KMT2D: variants seen among roughly 807,000 people sequenced by gnomAD.
The protein encoded by KMT2D is lysine methyltransferase 2D.
A neutral mutation model predicts 512.7 loss-of-function variants in KMT2D; 55 were observed. That is an observed-to-expected ratio of 0.11 (90% CI 0.09 to 0.13). KMT2D has a LOEUF of 0.13. KMT2D is among the 10% of genes least tolerant of loss of function. The pLI is 1.00. For missense variants in KMT2D, 6,061 were observed against 7,127.9 expected (o/e 0.85, Z 5.39); for synonymous variants, 2,995 against 2,904.0 (o/e 1.03, Z -1.01).
Position 49,052,262 on chromosome 12 carries a change from A to G in KMT2D, c.1421T>C (p.Leu474Ser), listed in dbSNP as rs544407449. The G allele has an allele frequency of 8.7e-6, 13 of 1,490,326 alleles. No individual in the cohort carries two copies. The African/African-American group carries it at 1.7e-4, about 19-fold the overall frequency. 92.3% of individuals were successfully genotyped at this position (1,490,326 alleles called of 1,614,324 possible). A position where few individuals can be genotyped will look rare whatever the true frequency, so the allele number is the denominator to read the frequency against. Residue 474 changes from leucine (L) to serine (S), a missense_variant, in exon 11 of 55, where the codon TTG (leucine) becomes TCG (serine). Physicochemically the swap from Leu to Ser is moderately radical, Grantham distance 145. This residue lies in a region of KMT2D where 848 missense variants were observed against 838.5 expected (regional missense o/e 1.01). Transcript: ENST00000301067. ...ASRLSPPPEE[L>S]PASPLPEALH... ...TGCCTCAGGAAGTGGGGATGCGGGCAATTCCTCAGGTGGTGGTGACAGGCG... is the reference window on the plus strand; with the variant it reads ...TGCCTCAGGAAGTGGGGATGCGGGCGATTCCTCAGGTGGTGGTGACAGGCG...
chr12:49,047,532 C>T (rs1937631520), intron 15 of KMT2D, among the ~76,000 whole-genome samples: 2 of 151,300 alleles, frequency 1.3e-5, no homozygotes, highest in Admixed American at 6.6e-5. Flanking sequence ...ATTCTCCTGC[C>T]TCAGCCTCCC....
chr12:49,051,037 C>T lies in KMT2D; in HGVS notation c.2646G>A (p.Leu882=), dbSNP rs376227770. The part of the protein sequence containing the change: ...GQCPAPEELP[L]FPPPGEPSLS... ...AGGATGGTTCCCCAGGGGGAGGGAA[C>T]AAGGGCAGCTCCTCAGGTGCAGGGC... is the stretch of plus-strand genomic sequence containing the variant. Residue 882 remains leucine (L), a synonymous_variant, in exon 11 of 55, where the codon TTG becomes TTA. Transcript: ENST00000301067. 27 of 1,550,924 alleles carry T rather than the reference C, an allele frequency of 1.7e-5. No individual in the cohort carries two copies. In the African/African-American group the frequency reaches 3.3e-4, roughly 19 times the overall value.
chr12:49,048,583 CCA>C (rs1275107402), intron 14 of KMT2D, 74 bp downstream of exon 14: 1 of 940,066 alleles, frequency 1.1e-6, no homozygotes, highest in African/African-American at 1.6e-5. Flanking sequence ...CAAAGTAGGT[CCA>C]GTTTTCCCAT....
At position 49,046,742 on chromosome 12, in the gene KMT2D, C is replaced by G. The variant is rs2120612135; in HGVS notation, c.4285G>C (p.Val1429Leu). The G allele has an allele frequency of 6.2e-7, 1 of 1,613,986 alleles. No individual in the cohort carries two copies. The highest frequency in any genetic ancestry group is 8.5e-7 in the Non-Finnish European group (1 of 1,179,880). The change falls in exon 16 of 55, where the codon GTG becomes CTG. Residue 1429 changes from valine to leucine, a missense_variant. By Grantham distance (32) the Val-to-Leu change is conservative. This residue lies in a region of KMT2D where 53 missense variants were observed against 148.3 expected (regional missense o/e 0.36). Transcript: ENST00000301067. The surrounding 1 kb of genome is among the most constrained non-coding windows in gnomAD (Gnocchi z 4.2). The stretch of plus-strand genomic sequence containing the variant: ...GAGGCCTGGCCACACACCTCACACA[C>G]AATACACTCCACACAACGCCAGCCC... ...LKGWRCVECI[V>L]CEVCGQASDP...
chr12:49,051,028 G>A lies in KMT2D; in HGVS notation c.2655C>T (p.Pro885=), dbSNP rs769832018. The change falls in exon 11 of 55, where the codon CCC becomes CCT. Residue 885 remains proline, a synonymous_variant. Transcript: ENST00000301067. ...AGGGAGATAAGGATGGTTCCCCAGG[G>A]GGAGGGAACAAGGGCAGCTCCTCAG... ...PAPEELPLFP[P]PGEPSLSPLL... 1.3e-6 allele frequency: 2 copies of A among 1,556,346 alleles called. No individual in the cohort carries two copies. The highest frequency in any genetic ancestry group is 2.2e-5 in the East Asian group (1 of 44,480).
Position 49,042,324 on chromosome 12 carries a change from G to C in KMT2D, c.5874C>G (p.Arg1958=). ...CQSPFLDSRE[R]GGFFSPEPGE... is the part of the protein sequence containing the mutation. ...CGGGTTCCGGGCTAAAGAAGCCCCC[G>C]CGCTCCCTGGGGCGCAGGGGCAGAG... Residue 1958 remains arginine, a synonymous_variant, in exon 29 of 55, where the codon CGC becomes CGG. Transcript: ENST00000301067. This position sits in a 1 kb window ranked among gnomAD's most constrained non-coding sequence, Gnocchi z 4.4. 1 of 1,533,876 alleles carries C rather than the reference G, an allele frequency of 6.5e-7. No homozygotes were observed. Among genetic ancestry groups the C allele is most frequent in the African/African-American group, 1.4e-5 (1 of 72,542 alleles).
intron 19 of KMT2D, 141 bp from the exon 20 acceptor site, chr12:49,045,106 C>G (rs1943725556): frequency 1.3e-6 from 1 of 741,702 alleles, no homozygotes; most frequent in Non-Finnish European, 2.2e-6. Context: ...GGAGAACAGG[C>G]CACCAAGGGG....
Position 49,032,168 on chromosome 12 carries a change from G to A in KMT2D, c.12537C>T (p.Leu4179=), listed in dbSNP as rs374701107. The change falls in exon 40 of 55, where the codon CTC becomes CTT. Residue 4179 remains leucine (L), a synonymous_variant. Coordinates refer to ENST00000301067, the MANE Select transcript of KMT2D (RefSeq NM_003482.4). The part of the protein sequence containing the change: ...GPQPPKPGPV[L]QSGQGLPGVG... ...CCCCAGGCAGACCCTGCCCAGACTG[G>A]AGGACAGGTCCTGGTTTGGGAGGTT... is the stretch of plus-strand genomic sequence containing the variant. 3.4e-5 allele frequency: 55 copies of A among 1,613,058 alleles called. No individual in the cohort carries two copies. The African/African-American group carries it at 5.7e-4, about 17-fold the overall frequency.
Position 49,049,735 on chromosome 12 carries a change from C to T in KMT2D, c.3853G>A (p.Glu1285Lys), listed in dbSNP as rs2120639369. The change falls in exon 12 of 55, where the codon GAG becomes AAG. Residue 1285 changes from glutamate (E) to lysine (K), a missense_variant. By Grantham distance (56) the Glu-to-Lys change is moderately conservative. Transcript: ENST00000301067. ...CTGCGCCGCCGCCCCTTCTCCCCCT[C>T]AGCTTTGCCTCCGCTGATAGCTGTC... ...AGTAISGGKA[E>K]GEKGRRRSSP... is the part of the protein sequence containing the mutation. 6.2e-7 allele frequency: 1 copy of T among 1,605,676 alleles called. No individual in the cohort carries two copies. The highest frequency in any genetic ancestry group is 8.5e-7 in the Non-Finnish European group (1 of 1,173,086).
In KMT2D at chr12:49,030,945, C is replaced by T. The variant is rs781213309; in HGVS notation, c.13619G>A (p.Arg4540Gln). ...DRLVSSRKKL[R>Q]KEDGVRASEA... Reference sequence around the variant, plus strand: ...GCTGGCCCTGACCCCGTCCTCCTTCCGCAGCTTCTTTCGGGAGCTCACCAA... The same window carrying T: ...GCTGGCCCTGACCCCGTCCTCCTTCTGCAGCTTCTTTCGGGAGCTCACCAA... Residue 4540 changes from arginine to glutamine, a missense_variant, in exon 41 of 55, where the codon CGG (arginine) becomes CAG (glutamine). By Grantham distance (43) the Arg-to-Gln change is conservative. Around this residue, in one of 16 missense-constraint regions of KMT2D, gnomAD observed 1,600 missense variants for 1,754.9 expected, o/e 0.91. Coordinates refer to ENST00000301067, the MANE Select transcript of KMT2D (RefSeq NM_003482.4). The T allele has an allele frequency of 7.4e-6, 12 of 1,613,960 alleles. No homozygotes were observed. Among genetic ancestry groups the T allele is most frequent in the East Asian group, 4.5e-5 (2 of 44,880 alleles).
intron 25 of KMT2D, 66 bp downstream of exon 25, chr12:49,043,297 G>C (rs2120566100): frequency 1.3e-6 from 2 of 1,564,842 alleles, no homozygotes; most frequent in East Asian, 4.5e-5. Context: ...CAATGCTCAG[G>C]GGCACAGCAG....
rs1036855698 is a variant in KMT2D at position 49,038,808 on chromosome 12, G to T, written c.8548C>A (p.Leu2850Ile). The change falls in exon 35 of 55, where the codon CTA (leucine) becomes ATA (isoleucine). Residue 2850 changes from leucine to isoleucine, a missense_variant. By Grantham distance (5) the Leu-to-Ile change is conservative (BLOSUM62 2). This residue lies in a region of KMT2D where 527 missense variants were observed against 578.9 expected (regional missense o/e 0.91). Coordinates refer to ENST00000301067, the MANE Select transcript of KMT2D (RefSeq NM_003482.4). This position sits in a 1 kb window ranked among gnomAD's most constrained non-coding sequence, Gnocchi z 5.7. ...GAAATTCCCGCCAACGGGGAACCTA[G>T]GGCTTGGCGGCCAAGTTCAGGTCCA... ...TPGPELGRQA[L>I]GSPLAGISTR... The T allele has an allele frequency of 1.3e-6, 2 of 1,572,274 alleles. No homozygotes were observed. The highest frequency in any genetic ancestry group is 2.7e-5 in the African/African-American group (2 of 73,898).
Position 49,051,201 on chromosome 12 carries a change from G to T in KMT2D, c.2482C>A (p.Pro828Thr). The change falls in exon 11 of 55, where the codon CCT becomes ACT. Residue 828 changes from proline (P) to threonine (T), a missense_variant. This residue lies in a region of KMT2D where 848 missense variants were observed against 838.5 expected (regional missense o/e 1.01). Coordinates refer to ENST00000301067, the MANE Select transcript of KMT2D (RefSeq NM_003482.4). ...TGGGGGGACAGGTGTGATTCCTCAG[G>T]TTGGGGGGACAAGCATGGCTCCTCA... ...VPEEPCLSPQ[P>T]EESHLSPQSE... The T allele has an allele frequency of 1.3e-6, 2 of 1,504,946 alleles. No individual in the cohort carries two copies. The highest frequency in any genetic ancestry group is 1.8e-6 in the Non-Finnish European group (2 of 1,119,482). The allele number at this position is 1,504,946 out of a possible 1,614,324, so 93.2% of individuals were successfully genotyped here. A position where few individuals can be genotyped will look rare whatever the true frequency, so the allele number is the denominator to read the frequency against.
Position 49,043,957 on chromosome 12 carries a change from T to C in KMT2D, c.5230A>G (p.Ser1744Gly), listed in dbSNP as rs1416568077. The stretch of plus-strand genomic sequence containing the variant: ...TTCTTCTCATCCCCTTCAGCTAAGC[T>C]CTGCTCCACGGCGCCCTCTGCAGGC... ...DLPAEGAVEQ[S>G]LAEGDEKKKQ... The change falls in exon 23 of 55, where the codon AGC becomes GGC. Residue 1744 changes from serine to glycine, a missense_variant. Ser to Gly is a moderately conservative substitution (Grantham distance 56). This residue lies in a region of KMT2D where 640 missense variants were observed against 814.3 expected (regional missense o/e 0.79). Coordinates refer to ENST00000301067, the MANE Select transcript of KMT2D (RefSeq NM_003482.4). 1.2e-6 allele frequency: 2 copies of C among 1,614,062 alleles called. No individual in the cohort carries two copies. The highest frequency in any genetic ancestry group is 2.2e-5 in the South Asian group (2 of 91,092).
intron 46 of KMT2D, 95 bp downstream of exon 46, chr12:49,028,733 T>A (rs1592109787): frequency 6.6e-7 from 1 of 1,507,176 alleles, no homozygotes; most frequent in Non-Finnish European, 9.1e-7. Context: ...TCAGTACATG[T>A]GCTTGAACGA....
Position 49,044,030 on chromosome 12 carries a change from T to C in KMT2D, c.5189-32A>G, listed in dbSNP as rs1293299511. On this transcript the variant is annotated intron_variant, in intron 22 of 54. Transcript: ENST00000301067. This position sits in a 1 kb window ranked among gnomAD's most constrained non-coding sequence, Gnocchi z 6.4. Reference sequence around the variant, plus strand: ...ACAGAACGGAAGTGTCAGACTCGGGTTGAGAGCATGCTGCTCCCAACTTGC... The same window carrying C: ...ACAGAACGGAAGTGTCAGACTCGGGCTGAGAGCATGCTGCTCCCAACTTGC... The C allele has an allele frequency of 6.2e-7, 1 of 1,610,382 alleles. No individual in the cohort carries two copies. Among genetic ancestry groups the C allele is most frequent in the Non-Finnish European group, 8.5e-7 (1 of 1,178,162 alleles).
chr12:49,034,124 A>G lies in KMT2D; in HGVS notation c.10683T>C (p.Ala3561=), dbSNP rs772153984. ...GCTCTGTAACCAGCTTGAGCTTCTC[A>G]GCATCAGCTTCTGGGAACTCACGGC... The part of the protein sequence containing the change: ...KAGREFPEAD[A]EKLKLVTEQQ... The change falls in exon 39 of 55, where the codon GCT becomes GCC. Residue 3561 remains alanine, a synonymous_variant. Transcript: ENST00000301067. 33 of 1,612,988 alleles carry G rather than the reference A, an allele frequency of 2.0e-5. No individual in the cohort carries two copies. The highest frequency in any genetic ancestry group is 2.6e-5 in the Non-Finnish European group (31 of 1,179,866).
chr12:49,028,509 C>G (rs4760657), intron 46 of KMT2D, among the ~76,000 whole-genome samples: 1 of 152,116 alleles, frequency 6.6e-6, no homozygotes, highest in African/African-American at 2.4e-5. Flanking sequence ...CACAAAAGCC[C>G]GTTAATATTT....
Position 49,032,003 on chromosome 12 carries a change from ACT to A in KMT2D, c.12700_12701del (p.Gln4235GlyfsTer98), listed in dbSNP as rs1942942020. 6.2e-7 allele frequency: 1 copy of A among 1,602,408 alleles called. No homozygotes were observed. The highest frequency in any genetic ancestry group is 8.5e-7 in the Non-Finnish European group (1 of 1,172,756). On this transcript the variant is annotated frameshift_variant, in exon 40 of 55. Transcript: ENST00000301067. LOFTEE classifies it high-confidence loss of function. ...ALLMQRQLQQ[S>X]QAVRQTPPYQ... ...AGGGTGGGGTCTGGCGTACTGCCTG[ACT>A]CTGCTGCAGCTGCCGCTGCATGAGG... is the stretch of plus-strand genomic sequence containing the variant.
Sources: gnomAD v4.1 joint callset for allele counts (sites outside exome capture counted in the v4.1 genomes callset) on GRCh38, gnomAD v4.1.1 for gene constraint, gnomAD v4.1.1 regional missense constraint, Gnocchi (gnomAD v3.1) non-coding constraint, MANE v1.5 for transcripts, NCBI Gene and HGNC (gene_info 2026-07-23, HGNC 2026-07-21) for gene names.